The following FBXO11 variants were observed in gnomAD, a reference collection of about 807,000 sequenced individuals.
The protein encoded by FBXO11 is F-box only protein 11.
In FBXO11, 13 loss-of-function variants were observed where a neutral mutation model predicts 117.0. The observed-to-expected ratio is 0.11, with a 90% CI of 0.07 to 0.18. The LOEUF is 0.18. Ranked by LOEUF, FBXO11 falls within the 10% of genes least tolerant of loss-of-function variation. The pLI is 1.00. For missense variants in FBXO11, 767 were observed against 1,164.4 expected (o/e 0.66, Z 4.97); for synonymous variants, 490 against 380.5 (o/e 1.29, Z -3.35).
chr2:47,856,108 C>A (rs1008013369), intron 1 of FBXO11, among the ~76,000 whole-genome samples: 1 of 152,166 alleles, frequency 6.6e-6, no homozygotes, highest in Non-Finnish European at 1.5e-5. Context: ...GGAATACCGT[C>A]TCTAAAGATG....
rs565821002 is a variant in FBXO11 at position 47,820,349 on chromosome 2, T to C, written c.1797+13A>G. The C allele has an allele frequency of 5.0e-6, 8 of 1,600,754 alleles. No individual in the cohort carries two copies. In the East Asian group the frequency reaches 1.1e-4, roughly 22 times the overall value. Reference sequence around the variant, plus strand: ...ATGCATGAGTTTATAGGGAACTATATACATTAACTTACCACATAAATCCCA... The same window carrying C: ...ATGCATGAGTTTATAGGGAACTATACACATTAACTTACCACATAAATCCCA... On this transcript the variant is annotated intron_variant, in intron 14 of 22. Transcript: ENST00000403359.
At chr2:47,873,897 G>C (rs1401315337) in intron 1 of FBXO11, among the ~76,000 whole-genome samples, 1 of 152,098 alleles carries the variant, frequency 6.6e-6, no homozygotes, top group Non-Finnish European at 1.5e-5. Context: ...ACTATTGTAA[G>C]GGCAGCTGGC....
intron 1 of FBXO11, among the ~76,000 whole-genome samples, chr2:47,847,235 ACT>A (rs372643823): frequency 2.7e-4 from 41 of 152,186 alleles, no homozygotes; most frequent in African/African-American, 8.9e-4. Flanking sequence ...ACAGAGTGAG[ACT>A]CTGTCTCAAA....
chr2:47,905,677 G>C lies in FBXO11; in HGVS notation c.44C>G (p.Ser15Trp), dbSNP rs1439702995. Residue 15 changes from serine to tryptophan, a missense_variant, in exon 1 of 23, where the codon TCG becomes TGG. Ser to Trp is a radical substitution (Grantham distance 177, BLOSUM62 -3). Coordinates refer to ENST00000403359, the MANE Select transcript of FBXO11 (RefSeq NM_001190274.2). ...RAANRRPRRV[S>W]RPRPVQQQQQ... Reference sequence around the variant, plus strand: ...CTGTTGCTGCACCGGGCGCGGCCGCGACACTCGCCTGGGTCTCCGGTTGGC... The same window carrying C: ...CTGTTGCTGCACCGGGCGCGGCCGCCACACTCGCCTGGGTCTCCGGTTGGC... 1 of 1,507,934 alleles carries C rather than the reference G, an allele frequency of 6.6e-7. No homozygotes were observed. The highest frequency in any genetic ancestry group is 8.8e-7 in the Non-Finnish European group (1 of 1,130,360). 93.4% of individuals were successfully genotyped at this position (1,507,934 alleles called of 1,614,324 possible). A position where few individuals can be genotyped will look rare whatever the true frequency, so the allele number is the denominator to read the frequency against.
intron 1 of FBXO11, among the ~76,000 whole-genome samples, chr2:47,901,044 CATAT>C (rs1184225292): frequency 3.1e-5 from 4 of 128,316 alleles, no homozygotes; most frequent in East Asian, 3.1e-4. Flanking sequence ...CACGTGTGTA[CATAT>C]ATACACATAT....
intron 11 of FBXO11, among the ~76,000 whole-genome samples, chr2:47,828,418 G>A (rs1354216084): frequency 6.6e-6 from 1 of 152,106 alleles, no homozygotes; most frequent in Non-Finnish European, 1.5e-5. Flanking sequence ...GACCAGCCTG[G>A]CCAACATGGT....
chr2:47,905,798 G>C lies in FBXO11; in HGVS notation c.-78C>G. 7.0e-7 allele frequency: 1 copy of C among 1,432,088 alleles called. No individual in the cohort carries two copies. The highest frequency in any genetic ancestry group is 1.2e-5 in the South Asian group (1 of 80,086). 88.7% of individuals were successfully genotyped at this position (1,432,088 alleles called of 1,614,324 possible). On this transcript the variant is annotated 5_prime_UTR_variant, in exon 1 of 23. Transcript: ENST00000403359. ...CAGCGAGCTTCGGGGCAGGAGAAAG[G>C]GGTGGGGAGAGTGGGAGAGGGGGGA...
chr2:47,888,600 T>C lies in FBXO11; in HGVS notation c.232+16889A>G, dbSNP rs181331199. 8.4e-6 allele frequency: 7 copies of C among 830,978 alleles called. No homozygotes were observed. In the African/African-American group the frequency reaches 1.3e-4, roughly 15 times the overall value. 51.5% of individuals were successfully genotyped at this position (830,978 alleles called of 1,614,324 possible). On this transcript the variant is annotated intron_variant, in intron 1 of 22. Coordinates refer to ENST00000403359, the MANE Select transcript of FBXO11 (RefSeq NM_001190274.2). ...AACCTTTTTCTTTTAAAAATTACTT[T>C]CAACCACTCTGAAAGGTTAACTTAC...
chr2:47,876,178 G>C (rs1388690425), intron 1 of FBXO11, among the ~76,000 whole-genome samples: 1 of 152,174 alleles, frequency 6.6e-6, no homozygotes, highest in African/African-American at 2.4e-5. Flanking sequence ...CCCTGAAGTT[G>C]GTCAGTGTCT....
intron 1 of FBXO11, among the ~76,000 whole-genome samples, chr2:47,902,953 T>C (rs1678410519): frequency 6.6e-6 from 1 of 151,972 alleles, no homozygotes; most frequent in Non-Finnish European, 1.5e-5. Context: ...ACATACATTC[T>C]TAGCTTTAGT....
intron 13 of FBXO11, 125 bp downstream of exon 13, chr2:47,822,093 A>G (rs1224612342): frequency 1.3e-5 from 9 of 691,432 alleles, no homozygotes; most frequent in South Asian, 1.8e-5. Context: ...TTCTTTAAAA[A>G]AGAAAAAAAT....
intron 1 of FBXO11, among the ~76,000 whole-genome samples, chr2:47,898,435 A>C (rs1677841043): frequency 1.3e-5 from 2 of 152,220 alleles, no homozygotes; most frequent in Admixed American, 6.5e-5. Flanking sequence ...CTGAAATCTA[A>C]AACTAATTTA....
At chr2:47,811,739 C>T (rs2104645393) in intron 18 of FBXO11, 1 of 152,334 alleles carries the variant, frequency 6.6e-6, no homozygotes, top group South Asian at 2.1e-4. Context: ...ACTTTACTTT[C>T]AACCCCCATA....
intron 1 of FBXO11, among the ~76,000 whole-genome samples, chr2:47,864,273 C>T (rs1363315899): frequency 6.6e-6 from 1 of 152,116 alleles, no homozygotes; most frequent in East Asian, 1.9e-4. Context: ...ACAGAAACTA[C>T]CTTTGAACAA....
chr2:47,831,443 A>G (rs889842828), intron 11 of FBXO11, among the ~76,000 whole-genome samples: 6 of 151,300 alleles, frequency 4.0e-5, no homozygotes, highest in South Asian at 2.1e-4. Flanking sequence ...AAAAAAAAAA[A>G]AAAAAGAAAA....
At chr2:47,846,455 G>A (rs1481420728) in intron 1 of FBXO11, among the ~76,000 whole-genome samples, 4 of 151,930 alleles carry the variant, frequency 2.6e-5, no homozygotes, top group African/African-American at 7.3e-5. Flanking sequence ...CAACAAAAAC[G>A]AAACTGTTTC....
rs754092904 is a variant in FBXO11 at position 47,905,541 on chromosome 2, C to CGGCGGCGGA, written c.171_179dup (p.Pro64_Pro66dup). On this transcript the variant is annotated inframe_insertion, in exon 1 of 23. Transcript: ENST00000403359. Reference sequence around the variant, plus strand: ...GAGGCAGCGGCGGAGGCGGCGGTGGCGGCGGCGGAGGCTGCTGCTGCTGCT... The same window carrying CGGCGGCGGA: ...GAGGCAGCGGCGGAGGCGGCGGTGGCGGCGGCGGAGGCGGCGGAGGCTGCTGCTGCTGCT... 6 of 1,238,396 alleles carry CGGCGGCGGA rather than the reference C, an allele frequency of 4.8e-6. No homozygotes were observed. The highest frequency in any genetic ancestry group is 6.0e-6 in the Non-Finnish European group (6 of 993,560). 76.7% of individuals were successfully genotyped at this position (1,238,396 alleles called of 1,614,324 possible). A position where few individuals can be genotyped will look rare whatever the true frequency, so the allele number is the denominator to read the frequency against.
chr2:47,829,924 G>A (rs1433919980), intron 11 of FBXO11, among the ~76,000 whole-genome samples: 2 of 152,096 alleles, frequency 1.3e-5, no homozygotes, highest in African/African-American at 2.4e-5. Context: ...TTCAGTGTAC[G>A]TTAGAAATAT....
intron 13 of FBXO11, among the ~76,000 whole-genome samples, chr2:47,821,563 T>A (rs990108999): frequency 6.6e-6 from 1 of 151,346 alleles, no homozygotes; most frequent in Non-Finnish European, 1.5e-5. Flanking sequence ...TGAGCCGAGA[T>A]TGCGCCACTG....
Sources: gnomAD v4.1 joint callset for allele counts (sites outside exome capture counted in the v4.1 genomes callset) on GRCh38, gnomAD v4.1.1 for gene constraint, MANE v1.5 for transcripts, NCBI Gene and HGNC (gene_info 2026-07-23, HGNC 2026-07-21) for gene names.